The following ATP2B4 variants were observed in gnomAD, a reference collection of about 807,000 sequenced individuals.
ATP2B4 encodes ATPase plasma membrane Ca2+ transporting 4.
ATP2B4 carries 39 observed loss-of-function variants against 110.3 expected under a neutral mutation model. The observed-to-expected ratio is 0.35, with a 90% CI of 0.27 to 0.46. ATP2B4 has a LOEUF of 0.46. Among genes scored for constraint, ATP2B4 ranks in the 20% least tolerant of loss-of-function variants. The pLI, the probability that ATP2B4 is intolerant of heterozygous loss-of-function variation, is 1.00. For missense variants in ATP2B4, 1,135 were observed against 1,530.9 expected, an observed-to-expected ratio of 0.74 and a Z score of 4.32; for synonymous variants, 538 against 571.7, an observed-to-expected ratio of 0.94 and a Z score of 0.84.
chr1:203,672,337 T>C (rs1664694004), intron 1 of ATP2B4, among the ~76,000 whole-genome samples: 1 of 63,080 alleles, frequency 1.6e-5, no homozygotes, highest in Non-Finnish European at 5.0e-5. Context: ...TTTTTTTTTT[T>C]TTTTTTTTTT....
At position 203,630,672 on chromosome 1, in the gene ATP2B4, G is replaced by A. The variant is rs550076620; in HGVS notation, c.-465+3453G>A. On this transcript the variant is annotated intron_variant, in intron 1 of 20. Coordinates refer to ENST00000357681, the MANE Select transcript of ATP2B4 (RefSeq NM_001684.5). ...AGGCAATCTGAATTCTTCCCCCGAA[G>A]GGCGCCCCTCAGACAAGGCTCCCTA... 5.9e-5 allele frequency among the ~76,000 whole-genome samples: 9 copies of A among 152,290 alleles called. No homozygotes were observed. In the East Asian group the frequency reaches 1.7e-3, roughly 29 times the overall value.
intron 15 of ATP2B4, among the ~76,000 whole-genome samples, chr1:203,716,976 A>G (rs1415024955): frequency 6.9e-6 from 1 of 144,152 alleles, no homozygotes; most frequent in East Asian, 2.1e-4. Context: ...TGAGGCAGGC[A>G]GATCACGAGG....
At chr1:203,719,752 A>AAATAAATAAATAAATAAATG (rs1666267582) in intron 15 of ATP2B4, among the ~76,000 whole-genome samples, 1 of 151,626 alleles carries the variant, frequency 6.6e-6, no homozygotes, top group African/African-American at 2.4e-5. Context: ...ATAAATAAAT[A>AAATAAATAAATAAATAAATG]AATGTAATAT....
chr1:203,647,812 C>T (rs980873429), intron 1 of ATP2B4, among the ~76,000 whole-genome samples: 3 of 152,018 alleles, frequency 2.0e-5, no homozygotes, highest in Non-Finnish European at 4.4e-5. Context: ...TGCTGATGGC[C>T]ATAGCCTTTG....
At chr1:203,658,777 G>A (rs189577993) in intron 1 of ATP2B4, among the ~76,000 whole-genome samples, 3,766 of 152,182 alleles carry the variant, frequency 0.025, 90 homozygotes, top group African/African-American at 0.054. Context: ...AGGCTGAGGC[G>A]GGTGGATCAC....
chr1:203,728,163 G>C (rs1171318390), intron 20 of ATP2B4: 1 of 464,508 alleles, frequency 2.2e-6, no homozygotes, highest in Admixed American at 2.5e-5. Flanking sequence ...TCTTTTGCAG[G>C]ATTCAGACTT....
rs565218570 is a variant in ATP2B4, at chr1:203,692,105, C to T, written c.194-6052C>T. Among the ~76,000 whole-genome samples, 12 of 152,154 alleles carry T rather than the reference C, an allele frequency of 7.9e-5. 1 individual carries two copies. The South Asian group carries it at 2.3e-3, about 29-fold the overall frequency. On this transcript the variant is annotated intron_variant, in intron 2 of 20. Coordinates refer to ENST00000357681, the MANE Select transcript of ATP2B4 (RefSeq NM_001684.5). ...CTGTGTTAGCCAGGATGGTCTCGAT[C>T]TCCTGACCTCATGATCCGCCCGCCT...
At chr1:203,680,108 T>G (rs887159578) in intron 1 of ATP2B4, among the ~76,000 whole-genome samples, 2 of 151,648 alleles carry the variant, frequency 1.3e-5, no homozygotes, top group African/African-American at 2.4e-5. Context: ...AGACTGTCTT[T>G]TCTAATTCTC....
chr1:203,683,832 C>T (rs1235231620), intron 2 of ATP2B4, among the ~76,000 whole-genome samples: 21 of 151,990 alleles, frequency 1.4e-4, no homozygotes, highest in Non-Finnish European at 2.9e-4. Context: ...TGCCATCACA[C>T]CCAGCTAGCT....
At chr1:203,638,663 G>A (rs946934203) in intron 1 of ATP2B4, among the ~76,000 whole-genome samples, 1 of 152,006 alleles carries the variant, frequency 6.6e-6, no homozygotes, top group African/African-American at 2.4e-5. Context: ...CTGGGACCTC[G>A]ACCCCATCAC....
intron 1 of ATP2B4, chr1:203,657,316 T>C (rs1664191903): frequency 1.3e-6 from 1 of 741,502 alleles, no homozygotes; most frequent in Non-Finnish European, 2.5e-6. Context: ...TTCCATGCCT[T>C]CTTCTTTCTC....
chr1:203,655,990 C>T (rs1349444916), intron 1 of ATP2B4, among the ~76,000 whole-genome samples: 2 of 151,968 alleles, frequency 1.3e-5, no homozygotes, highest in South Asian at 4.2e-4. Flanking sequence ...CTGCAACCTT[C>T]GCCTCCTGGG....
At chr1:203,685,350 T>C (rs988956144) in intron 2 of ATP2B4, among the ~76,000 whole-genome samples, 4 of 152,224 alleles carry the variant, frequency 2.6e-5, no homozygotes, top group East Asian at 1.9e-4. Flanking sequence ...CTTGGCCCTA[T>C]ACATCTGGCA....
chr1:203,719,241 AAAAAGC>A lies in ATP2B4; in HGVS notation c.2407-1305_2407-1300del, dbSNP rs1192785466. Among the ~76,000 whole-genome samples the A allele has an allele frequency of 1.7e-3, 166 of 100,290 alleles. 3 individuals carry two copies. In the South Asian group the frequency reaches 0.019, roughly 12 times the overall value. 65.8% of individuals were successfully genotyped at this position (100,290 alleles called of 152,430 possible). ...CCCTGTCTCGAAAAAAAAAAAAAAA[AAAAAGC>A]AAGAGAGATAAAATACATGGTTCTA... On this transcript the variant is annotated intron_variant, in intron 15 of 20. Transcript: ENST00000357681.
chr1:203,655,458 C>T (rs1370817620), intron 1 of ATP2B4, among the ~76,000 whole-genome samples: 1 of 152,014 alleles, frequency 6.6e-6, no homozygotes, highest in African/African-American at 2.4e-5. Flanking sequence ...CCAGCCTGGC[C>T]AACATGGAGA....
chr1:203,657,771 G>A (rs963236494), intron 1 of ATP2B4: 13 of 646,336 alleles, frequency 2.0e-5, no homozygotes, highest in African/African-American at 1.5e-4. Flanking sequence ...GGTGACAGGC[G>A]CAGAACCACC....
chr1:203,693,865 C>T (rs931442627), intron 2 of ATP2B4, among the ~76,000 whole-genome samples: 2 of 152,172 alleles, frequency 1.3e-5, no homozygotes, highest in Admixed American at 6.5e-5. Context: ...GTGCTAAAAC[C>T]TGGCAAGTCC....
chr1:203,714,846 C>T (rs1666115620), intron 15 of ATP2B4, among the ~76,000 whole-genome samples: 1 of 152,046 alleles, frequency 6.6e-6, no homozygotes, highest in Non-Finnish European at 1.5e-5. Flanking sequence ...TATAAGCCTC[C>T]CATACAGATT....
chr1:203,682,271 T>C (rs1665038215), intron 1 of ATP2B4, among the ~76,000 whole-genome samples: 1 of 152,022 alleles, frequency 6.6e-6, no homozygotes. Flanking sequence ...GTGTGGGTTG[T>C]GGGAGAGGAA....
Sources: allele counts gnomAD v4.1 joint callset (sites outside exome capture counted in the v4.1 genomes callset), GRCh38; gene constraint gnomAD v4.1.1; transcripts MANE v1.5; gene names NCBI Gene and HGNC (gene_info 2026-07-23, HGNC 2026-07-21).